GPHN: variants seen among roughly 807,000 people sequenced by gnomAD.
The protein encoded by GPHN is gephyrin.
Under a neutral mutation model 95.5 loss-of-function variants are expected in GPHN, and 17 were observed. The observed-to-expected ratio is 0.18, with a 90% CI of 0.12 to 0.27. The LOEUF (loss-of-function observed/expected upper bound fraction) is 0.27. Ranked by LOEUF, GPHN falls within the 10% of genes least tolerant of loss-of-function variation. GPHN has a pLI of 1.00. For synonymous variants in GPHN, 320 were observed against 322.5 expected (o/e 0.99, Z 0.08); for missense variants, 660 against 978.1 (o/e 0.67, Z 4.34).
chr14:67,288,333 G>C, the GPHN span, among the ~76,000 whole-genome samples: 1 of 151,892 alleles, frequency 6.6e-6, no homozygotes, highest in South Asian at 2.1e-4. Context: ...CTGCCCTCCT[G>C]AGCCTCCCAA....
At chr14:66,979,962 G>C (rs913545115) in intron 9 of GPHN, among the ~76,000 whole-genome samples, 1 of 152,048 alleles carries the variant, frequency 6.6e-6, no homozygotes. Flanking sequence ...ACAAGGAATG[G>C]TCAGTCTGTG....
At chr14:66,575,774 G>C (rs529930321) in intron 1 of GPHN, among the ~76,000 whole-genome samples, 4 of 152,106 alleles carry the variant, frequency 2.6e-5, no homozygotes, top group South Asian at 4.1e-4. Context: ...CTGTGTCTAT[G>C]GGGGGCTGGC....
At chr14:67,248,969 A>AT in the GPHN span, among the ~76,000 whole-genome samples, 44 of 143,704 alleles carry the variant, frequency 3.1e-4, 1 homozygote, top group Middle Eastern at 3.8e-3. Context: ...CTACATACCA[A>AT]TTTTTTTTTT....
At chr14:66,875,303 A>T (rs776839792) in intron 4 of GPHN, among the ~76,000 whole-genome samples, 13 of 148,600 alleles carry the variant, frequency 8.7e-5, no homozygotes, top group Non-Finnish European at 1.2e-4. Context: ...CTGCAAAAAC[A>T]TAGCTAATTG....
chr14:66,837,594 T>A (rs986193965), intron 4 of GPHN, among the ~76,000 whole-genome samples: 24 of 138,992 alleles, frequency 1.7e-4, no homozygotes, highest in Non-Finnish European at 4.6e-5. Flanking sequence ...TAAAGTATAA[T>A]AAAAATAAAT....
At chr14:67,455,251 C>T in the GPHN span, among the ~76,000 whole-genome samples, 7 of 152,204 alleles carry the variant, frequency 4.6e-5, no homozygotes, top group African/African-American at 9.6e-5. Flanking sequence ...GGCCCACCCT[C>T]GTTCTCACCC....
chr14:66,712,898 G>A (rs1362741723), intron 2 of GPHN, among the ~76,000 whole-genome samples: 1 of 152,146 alleles, frequency 6.6e-6, no homozygotes, highest in East Asian at 1.9e-4. Context: ...GATCATTGGT[G>A]ATGTTGAGCA....
intron 1 of GPHN, among the ~76,000 whole-genome samples, chr14:66,619,967 T>C (rs1369584002): frequency 6.6e-6 from 1 of 152,128 alleles, no homozygotes; most frequent in African/African-American, 2.4e-5. Context: ...GGTTAGGAGA[T>C]GTAAGGAGAT....
At chr14:66,811,359 AT>A (rs2060754105) in intron 3 of GPHN, among the ~76,000 whole-genome samples, 1 of 152,144 alleles carries the variant, frequency 6.6e-6, no homozygotes, top group Non-Finnish European at 1.5e-5. Flanking sequence ...ATGTGTGTGT[AT>A]TTTTTTATGT....
At chr14:67,703,899 A>G in the GPHN span, among the ~76,000 whole-genome samples, 2 of 152,282 alleles carry the variant, frequency 1.3e-5, no homozygotes, top group Non-Finnish European at 2.9e-5. Flanking sequence ...GCTGGTCTCA[A>G]ACTCCTAGAC....
chr14:66,578,487 C>T (rs2060997247), intron 1 of GPHN, among the ~76,000 whole-genome samples: 1 of 151,596 alleles, frequency 6.6e-6, no homozygotes, highest in South Asian at 2.1e-4. Flanking sequence ...CAGTTATGTT[C>T]AGCTGAAACA....
chr14:67,387,478 A>G, the GPHN span: 1 of 1,596,442 alleles, frequency 6.3e-7, no homozygotes, highest in Non-Finnish European at 8.5e-7. Flanking sequence ...AAAGGGGGAA[A>G]AAAATCAGTG....
intron 21 of GPHN, among the ~76,000 whole-genome samples, chr14:67,175,898 C>A (rs539209175): frequency 6.6e-5 from 10 of 152,012 alleles, no homozygotes; most frequent in African/African-American, 2.2e-4. Flanking sequence ...TTGGTGTATA[C>A]GAATGCTTGT....
chr14:67,161,541 G>A (rs745809081), intron 19 of GPHN, among the ~76,000 whole-genome samples: 2 of 151,992 alleles, frequency 1.3e-5, no homozygotes, highest in African/African-American at 4.8e-5. Flanking sequence ...GGGGTGGTTC[G>A]CTTGAGCCCG....
intron 17 of GPHN, among the ~76,000 whole-genome samples, chr14:67,129,812 G>GAGGGAGGA (rs769563744): frequency 0.041 from 6,148 of 148,522 alleles, 174 homozygotes; most frequent in Middle Eastern, 0.068. Context: ...GGGAGGGAGG[G>GAGGGAGGA]AGGAAGGAAG....
At chr14:66,866,083 C>T (rs1166433560) in intron 4 of GPHN, among the ~76,000 whole-genome samples, 1 of 152,176 alleles carries the variant, frequency 6.6e-6, no homozygotes, top group Non-Finnish European at 1.5e-5. Context: ...TTCTACCCCA[C>T]TCCCACCAGC....
At chr14:67,299,421 T>A in the GPHN span, among the ~76,000 whole-genome samples, 1 of 152,184 alleles carries the variant, frequency 6.6e-6, no homozygotes, top group Non-Finnish European at 1.5e-5. Flanking sequence ...GGTTATCAAT[T>A]TTCTGATTTT....
chr14:67,657,496 C>T, the GPHN span, among the ~76,000 whole-genome samples: 1 of 152,106 alleles, frequency 6.6e-6, no homozygotes, highest in African/African-American at 2.4e-5. Context: ...TAAATACAGA[C>T]AGCAGGAAGA....
intron 2 of GPHN, among the ~76,000 whole-genome samples, chr14:66,699,744 A>C (rs1027003275): frequency 6.6e-6 from 1 of 152,114 alleles, no homozygotes; most frequent in Non-Finnish European, 1.5e-5. Context: ...GGAATTAGAG[A>C]GAGAAAGGCT....
Sources: allele counts gnomAD v4.1 joint callset (sites outside exome capture counted in the v4.1 genomes callset), GRCh38; gene constraint gnomAD v4.1.1; transcripts MANE v1.5; gene names NCBI Gene and HGNC (gene_info 2026-07-23, HGNC 2026-07-21).